The following DNM3 variants were observed in gnomAD, a reference collection of about 807,000 sequenced individuals.
The protein encoded by DNM3 is dynamin 3.
A neutral mutation model predicts 101.6 loss-of-function variants in DNM3; 47 were observed. The ratio of observed to expected loss-of-function variants is 0.46; its 90% CI spans 0.37 to 0.59. The LOEUF is 0.59. Ranked by LOEUF, DNM3 falls within the 20% of genes least tolerant of loss-of-function variation. The pLI is 0.00. For missense variants in DNM3, 849 were observed against 1,085.7 expected, an observed-to-expected ratio of 0.78 and a Z score of 3.06; for synonymous variants, 385 against 387.9, an observed-to-expected ratio of 0.99 and a Z score of 0.09.
chr1:171,970,441 C>T (rs2043906853), intron 2 of DNM3, among the ~76,000 whole-genome samples: 1 of 151,970 alleles, frequency 6.6e-6, no homozygotes, highest in Admixed American at 6.6e-5. Flanking sequence ...GGGGTATTAA[C>T]AGTACTTAAT....
At chr1:172,105,628 A>T (rs897541725) in intron 13 of DNM3, among the ~76,000 whole-genome samples, 3 of 152,194 alleles carry the variant, frequency 2.0e-5, no homozygotes, top group Non-Finnish European at 2.9e-5. Flanking sequence ...AAATCTTGTC[A>T]TATCCCAACT....
chr1:172,179,184 T>G (rs974494595), intron 14 of DNM3, among the ~76,000 whole-genome samples: 8 of 151,984 alleles, frequency 5.3e-5, no homozygotes, highest in African/African-American at 1.9e-4. Context: ...TTATTATTAG[T>G]GGTGACTGAT....
chr1:172,062,131 T>G (rs2051280259), intron 10 of DNM3, among the ~76,000 whole-genome samples: 2 of 152,204 alleles, frequency 1.3e-5, no homozygotes, highest in Admixed American at 1.3e-4. Flanking sequence ...GTTCTTAATT[T>G]ATAATTTACC....
intron 2 of DNM3, among the ~76,000 whole-genome samples, chr1:171,974,647 T>C (rs2044244310): frequency 6.6e-6 from 1 of 152,232 alleles, no homozygotes; most frequent in South Asian, 2.1e-4. Flanking sequence ...GACTGCATAA[T>C]GCATTAGGTT....
intron 2 of DNM3, among the ~76,000 whole-genome samples, chr1:171,953,949 T>C (rs971129527): frequency 6.6e-6 from 1 of 152,228 alleles, no homozygotes; most frequent in Non-Finnish European, 1.5e-5. Context: ...TTGTCCTTTT[T>C]CATATACTCC....
intron 1 of DNM3, among the ~76,000 whole-genome samples, chr1:171,895,040 A>G (rs955793294): frequency 6.6e-6 from 1 of 152,152 alleles, no homozygotes; most frequent in Non-Finnish European, 1.5e-5. Flanking sequence ...TCTATCATTG[A>G]TGGACATTTG....
intron 4 of DNM3, among the ~76,000 whole-genome samples, chr1:172,025,433 G>C (rs1214863907): frequency 6.6e-6 from 1 of 152,208 alleles, no homozygotes; most frequent in Non-Finnish European, 1.5e-5. Context: ...GGATCTCTTA[G>C]CACAGCATTC....
chr1:171,893,602 C>T (rs1003857555), intron 1 of DNM3, among the ~76,000 whole-genome samples: 2 of 152,054 alleles, frequency 1.3e-5, no homozygotes, highest in Non-Finnish European at 2.9e-5. Flanking sequence ...CACAGATGCA[C>T]ACCAACACAC....
chr1:171,855,432 T>C (rs2033493557), intron 1 of DNM3, among the ~76,000 whole-genome samples: 1 of 152,230 alleles, frequency 6.6e-6, no homozygotes, highest in Admixed American at 6.5e-5. Context: ...CTTCTGCTTT[T>C]AGTTCTTTGA....
chr1:172,089,570 T>G (rs1351472830), intron 12 of DNM3, among the ~76,000 whole-genome samples: 1 of 152,222 alleles, frequency 6.6e-6, no homozygotes, highest in African/African-American at 2.4e-5. Context: ...GCTTTTGAAG[T>G]AACTTCAAGT....
intron 14 of DNM3, among the ~76,000 whole-genome samples, chr1:172,242,106 A>G (rs1247922915): frequency 6.6e-6 from 1 of 152,132 alleles, no homozygotes; most frequent in Non-Finnish European, 1.5e-5. Context: ...TGGCTTTTTC[A>G]TTGAACTCAT....
At chr1:171,949,379 A>C (rs908976918) in intron 2 of DNM3, among the ~76,000 whole-genome samples, 2 of 152,264 alleles carry the variant, frequency 1.3e-5, no homozygotes, top group Admixed American at 1.3e-4. Context: ...AGTAGTCTTG[A>C]GGGAAATAAA....
intron 17 of DNM3, among the ~76,000 whole-genome samples, chr1:172,337,855 A>ATTTTATTTTAT (rs1451736600): frequency 1.7e-4 from 23 of 135,416 alleles, no homozygotes; most frequent in African/African-American, 5.6e-4. Context: ...ATTTTATTTT[A>ATTTTATTTTAT]TTTTATTTTA....
chr1:171,875,813 C>CTTTTTTTTTTTTTTTTTTTT (rs60523795), intron 1 of DNM3, among the ~76,000 whole-genome samples: 2 of 104,682 alleles, frequency 1.9e-5, no homozygotes, highest in African/African-American at 8.6e-5. Context: ...AGTTGTCTCT[C>CTTTTTTTTTTTTTTTTTTTT]TTTTTTTTTT....
intron 18 of DNM3, among the ~76,000 whole-genome samples, chr1:172,380,154 G>A (rs926711843): frequency 6.6e-6 from 1 of 151,984 alleles, no homozygotes; most frequent in Non-Finnish European, 1.5e-5. Flanking sequence ...GACCTAAGGT[G>A]AGTCTCTTTC....
At chr1:172,370,166 G>T (rs947155185) in intron 17 of DNM3, 2 of 151,694 alleles carry the variant, frequency 1.3e-5, no homozygotes, top group Non-Finnish European at 1.5e-5. Context: ...GGACCTATTT[G>T]GTTAAAAAAG....
intron 15 of DNM3, among the ~76,000 whole-genome samples, chr1:172,280,433 G>T (rs1474697853): frequency 6.6e-6 from 1 of 152,110 alleles, no homozygotes; most frequent in Non-Finnish European, 1.5e-5. Context: ...ACACTGCCTA[G>T]CATATGGTAG....
At chr1:172,324,283 T>G (rs552107675) in intron 17 of DNM3, among the ~76,000 whole-genome samples, 77 of 152,322 alleles carry the variant, frequency 5.1e-4, no homozygotes, top group African/African-American at 1.8e-3. Flanking sequence ...ATATAAGAGT[T>G]GGCCGGCATA....
At chr1:171,860,268 T>C (rs1203441657) in intron 1 of DNM3, among the ~76,000 whole-genome samples, 1 of 152,178 alleles carries the variant, frequency 6.6e-6, no homozygotes, top group Non-Finnish European at 1.5e-5. Flanking sequence ...TAAGTATGTT[T>C]TGGTACATGA....
Sources: allele counts gnomAD v4.1 joint callset (sites outside exome capture counted in the v4.1 genomes callset), GRCh38; gene constraint gnomAD v4.1.1; transcripts MANE v1.5; gene names NCBI Gene and HGNC (gene_info 2026-07-23, HGNC 2026-07-21).